URB1: variants seen among roughly 807,000 people sequenced by gnomAD.
The protein encoded by URB1 is nucleolar pre-ribosomal-associated protein 1.
URB1 carries 197 observed loss-of-function variants against 242.3 expected under a neutral mutation model. The observed-to-expected ratio is 0.81, with a 90% confidence interval of 0.72 to 0.91. URB1 has a LOEUF of 0.91. Among genes scored for constraint, URB1 ranks in the 40% least tolerant of loss-of-function variants. The pLI, the probability that URB1 is intolerant of heterozygous loss-of-function variation, is 0.00. For missense variants in URB1, 2,721 were observed against 2,860.5 expected, an observed-to-expected ratio of 0.95 and a Z score of 1.11; for synonymous variants, 1,153 against 1,201.8, an observed-to-expected ratio of 0.96 and a Z score of 0.84.
At chr21:32,361,515 G>A (rs924924648) in intron 12 of URB1, among the ~76,000 whole-genome samples, 4 of 146,944 alleles carry the variant, frequency 2.7e-5, no homozygotes, top group East Asian at 1.9e-4. Flanking sequence ...GATGAAATAC[G>A]ATACAGACAT....
intron 21 of URB1, 68 bp from the exon 22 acceptor site, chr21:32,347,879 A>G: frequency 6.8e-7 from 1 of 1,464,136 alleles, no homozygotes. Context: ...GGCAGCTGCC[A>G]CGCAAGTATT....
In URB1 at chr21:32,341,471, T is replaced by G. The variant is rs1237568189; in HGVS notation, c.4311A>C (p.Gly1437=). Residue 1437 remains glycine (G), a synonymous_variant, in exon 25 of 39, where the codon GGA becomes GGC. Transcript: ENST00000382751. ...PGDWQKFVKK[G]LKFRYQDHTF... is the part of the protein sequence containing the mutation. Reference sequence around the variant, plus strand: ...AGAAAATAAAATCAACTTACTTGAGTCCCTTCTTCACGAATTTCTGCCAGT... The same window carrying G: ...AGAAAATAAAATCAACTTACTTGAGGCCCTTCTTCACGAATTTCTGCCAGT... The G allele has an allele frequency of 6.4e-7, 1 of 1,551,508 alleles. No individual in the cohort carries two copies. Among genetic ancestry groups the G allele is most frequent in the Non-Finnish European group, 8.7e-7 (1 of 1,146,932 alleles).
intron 7 of URB1, 48 bp downstream of exon 7, chr21:32,373,599 G>A (rs1366520540): frequency 6.6e-7 from 1 of 1,513,776 alleles, no homozygotes; most frequent in Admixed American, 2.3e-5. Flanking sequence ...CAACCCTGAG[G>A]ATCAAATTCC....
chr21:32,366,363 G>A (rs2033346612), intron 10 of URB1, among the ~76,000 whole-genome samples: 1 of 152,226 alleles, frequency 6.6e-6, no homozygotes, highest in Non-Finnish European at 1.5e-5. Flanking sequence ...CCTGCTGTGT[G>A]ATGGAGCAGG....
rs2146056422 is a variant in URB1 at position 32,385,768 on chromosome 21, A to G, written c.143-84T>C. The G allele has an allele frequency of 3.3e-6, 5 of 1,503,570 alleles. No individual in the cohort carries two copies. The Middle Eastern group carries it at 5.1e-4, about 155-fold the overall frequency. 93.1% of individuals were successfully genotyped at this position (1,503,570 alleles called of 1,614,324 possible). On this transcript the variant is annotated intron_variant, in intron 1 of 38. Coordinates refer to ENST00000382751, the MANE Select transcript of URB1 (RefSeq NM_014825.3). ...GCCACCACTGCAACCTGCTTTCCCT[A>G]TTCTGTGACCTTCCCCGATCCACCT... is the stretch of plus-strand genomic sequence containing the variant.
chr21:32,358,655 G>A (rs2033251131), intron 14 of URB1, among the ~76,000 whole-genome samples: 1 of 152,156 alleles, frequency 6.6e-6, no homozygotes, highest in South Asian at 2.1e-4. Context: ...ATTCACACCA[G>A]CTCTTTCAAA....
At position 32,347,711 on chromosome 21, in the gene URB1, G is replaced by C; in HGVS notation, c.3113C>G (p.Pro1038Arg). The C allele has an allele frequency of 6.4e-7, 1 of 1,551,102 alleles. No individual in the cohort carries two copies. Among genetic ancestry groups the C allele is most frequent in the Non-Finnish European group, 8.7e-7 (1 of 1,146,998 alleles). The change falls in exon 22 of 39, where the codon CCT becomes CGT. Residue 1038 changes from proline (P) to arginine (R), a missense_variant. By Grantham distance (103) the Pro-to-Arg change is moderately radical. Coordinates refer to ENST00000382751, the MANE Select transcript of URB1 (RefSeq NM_014825.3). ...QQALPPHTLS[P>R]VLVKLLATHF... ...GGTGGCCAGGAGCTTCACGAGGACA[G>C]GGCTGAGCGTGTGCGGCGGGAGGGC...
rs777253234 is a variant in URB1, at chr21:32,341,554, T to C, written c.4258-30A>G. ...GAATAAAATAAGTAAGAAAAACACATGAAACATCTCAGTCTACAAAATACT... is the reference window on the plus strand; with the variant it reads ...GAATAAAATAAGTAAGAAAAACACACGAAACATCTCAGTCTACAAAATACT... On this transcript the variant is annotated intron_variant, in intron 24 of 38. Transcript: ENST00000382751. 8 of 1,545,884 alleles carry C rather than the reference T, an allele frequency of 5.2e-6. No individual in the cohort carries two copies. The South Asian group carries it at 8.3e-5, about 16-fold the overall frequency.
At chr21:32,372,475 A>T (rs1362176459) in intron 8 of URB1, 32 bp downstream of exon 8, 1 of 1,546,332 alleles carries the variant, frequency 6.5e-7, no homozygotes, top group Non-Finnish European at 8.7e-7. Context: ...GAACATACAC[A>T]CCCTGGGGTC....
Position 32,316,463 on chromosome 21 carries a change from T to C in URB1, c.6634+3A>G. The C allele has an allele frequency of 6.6e-7, 1 of 1,509,086 alleles. No individual in the cohort carries two copies. The highest frequency in any genetic ancestry group is 1.3e-5 in the South Asian group (1 of 76,380). The allele number at this position is 1,509,086 out of a possible 1,614,324, so 93.5% of individuals were successfully genotyped here. On this transcript the variant is annotated splice_donor_region_variant and intron_variant, in intron 38 of 38. Transcript: ENST00000382751. ...CAGCCTCCAACAAAAGAACCAGCCT[T>C]ACCTTGTGTGGCTTCATCCTTCTCA... is the stretch of plus-strand genomic sequence containing the variant.
At position 32,366,771 on chromosome 21, in the gene URB1, A is replaced by G; in HGVS notation, c.1198-16T>C. ...CCTCATAGATCTAGGAAAAGCAAAA[A>G]AGAGATTTAGGTGGTGCTAGAAGTA... On this transcript the variant is annotated splice_polypyrimidine_tract_variant and intron_variant, in intron 9 of 38. Coordinates refer to ENST00000382751, the MANE Select transcript of URB1 (RefSeq NM_014825.3). 6.4e-7 allele frequency: 1 copy of G among 1,551,002 alleles called. No individual in the cohort carries two copies. Among genetic ancestry groups the G allele is most frequent in the Non-Finnish European group, 8.7e-7 (1 of 1,146,684 alleles).
chr21:32,347,927 T>A (rs1177896070), intron 21 of URB1, 116 bp from the exon 22 acceptor site: 1 of 1,405,144 alleles, frequency 7.1e-7, no homozygotes, highest in Admixed American at 2.8e-5. Flanking sequence ...AAGGCCCCTT[T>A]CCTAATCCAT....
chr21:32,357,700 C>T, intron 14 of URB1, 44 bp from the exon 15 acceptor site: 1 of 1,308,646 alleles, frequency 7.6e-7, no homozygotes, highest in Non-Finnish European at 9.8e-7. Context: ...TATATAATTA[C>T]ATATATAATT....
intron 1 of URB1, among the ~76,000 whole-genome samples, chr21:32,389,952 C>T (rs1226517101): frequency 6.6e-6 from 1 of 152,192 alleles, no homozygotes; most frequent in Non-Finnish European, 1.5e-5. Context: ...CCCTCACATG[C>T]CTGGTGAAAA....
chr21:32,344,854 C>G, intron 23 of URB1, 98 bp from the exon 24 acceptor site: 1 of 1,327,100 alleles, frequency 7.5e-7, no homozygotes. Flanking sequence ...GGGATAGATG[C>G]TGAGTCCTGC....
intron 8 of URB1, among the ~76,000 whole-genome samples, chr21:32,371,930 G>A (rs1264042601): frequency 6.6e-6 from 1 of 151,964 alleles, no homozygotes; most frequent in African/African-American, 2.4e-5. Flanking sequence ...CTGATGAAAT[G>A]TTACCACAAT....
chr21:32,381,566 A>C (rs1254266437), intron 4 of URB1, among the ~76,000 whole-genome samples: 1 of 152,230 alleles, frequency 6.6e-6, no homozygotes, highest in East Asian at 1.9e-4. Flanking sequence ...AACCAAATGC[A>C]ATGTGGACTT....
At chr21:32,351,053 T>C in intron 19 of URB1, 131 bp from the exon 20 acceptor site, 1 of 932,812 alleles carries the variant, frequency 1.1e-6, no homozygotes, top group Non-Finnish European at 1.6e-6. Flanking sequence ...GACTAACGAA[T>C]ACGGGACCGT....
chr21:32,315,166 C>A, intron 38 of URB1, 67 bp from the exon 39 acceptor site: 2 of 1,413,364 alleles, frequency 1.4e-6, no homozygotes, highest in Non-Finnish European at 1.9e-6. Flanking sequence ...GGTCATCCTG[C>A]CCACAATGCA....
Sources: gnomAD v4.1 joint callset for allele counts (sites outside exome capture counted in the v4.1 genomes callset) on GRCh38, gnomAD v4.1.1 for gene constraint, MANE v1.5 for transcripts, NCBI Gene and HGNC (gene_info 2026-07-23, HGNC 2026-07-21) for gene names.